The following NUMB variants were observed in gnomAD, a reference collection of about 807,000 sequenced individuals.
NUMB encodes protein numb homolog.
NUMB carries 29 observed loss-of-function variants against 59.7 expected under a neutral mutation model. That is an observed-to-expected ratio of 0.49 (90% CI 0.36 to 0.66). The LOEUF is 0.66. Among genes scored for constraint, NUMB ranks in the 30% least tolerant of loss-of-function variants. The pLI is 0.00. For synonymous variants in NUMB, 288 were observed against 288.2 expected (o/e 1.00, Z 0.01); for missense variants, 723 against 822.0 (o/e 0.88, Z 1.47).
At chr14:73,396,324 GT>G (rs1566778626) in intron 2 of NUMB, among the ~76,000 whole-genome samples, 312 of 41,364 alleles carry the variant, frequency 7.5e-3, no homozygotes, top group African/African-American at 0.071. Context: ...TATTAGGGGT[GT>G]GTGTGTGTGT....
intron 6 of NUMB, chr14:73,299,084 G>C (rs924925201): frequency 3.9e-5 from 6 of 152,250 alleles, no homozygotes; most frequent in African/African-American, 1.4e-4. Context: ...GGAAGTAACA[G>C]AGGTACTGGA....
intron 2 of NUMB, among the ~76,000 whole-genome samples, chr14:73,394,100 G>A (rs1354950259): frequency 2.0e-5 from 3 of 152,028 alleles, no homozygotes; most frequent in African/African-American, 7.2e-5. Context: ...CAAGTAGCTG[G>A]GATTATGGGC....
chr14:73,451,172 A>AAAG (rs1883931734), intron 1 of NUMB, among the ~76,000 whole-genome samples: 2 of 119,172 alleles, frequency 1.7e-5, no homozygotes, highest in African/African-American at 6.6e-5. Flanking sequence ...AAAAAAAAAA[A>AAAG]AACAAAAAAC....
chr14:73,391,004 GC>G (rs2140098561), intron 2 of NUMB, among the ~76,000 whole-genome samples: 1 of 150,880 alleles, frequency 6.6e-6, no homozygotes, highest in Admixed American at 6.6e-5. Context: ...AACACTATAG[GC>G]CCTCAATATA....
chr14:73,337,259 C>T (rs1892376745), intron 4 of NUMB, among the ~76,000 whole-genome samples: 1 of 152,006 alleles, frequency 6.6e-6, no homozygotes, highest in African/African-American at 2.4e-5. Context: ...ACCTGTAATC[C>T]CAGCACTTTG....
intron 2 of NUMB, among the ~76,000 whole-genome samples, chr14:73,386,090 T>A (rs1895511282): frequency 6.6e-6 from 1 of 152,038 alleles, no homozygotes; most frequent in South Asian, 2.1e-4. Flanking sequence ...TAAGAAGAAC[T>A]GTTATTAACC....
chr14:73,400,251 G>A (rs941226649), intron 2 of NUMB, among the ~76,000 whole-genome samples: 3 of 152,144 alleles, frequency 2.0e-5, no homozygotes, highest in Non-Finnish European at 4.4e-5. Flanking sequence ...AAAAGGATCA[G>A]TGGTTACCAA....
rs1888449622 is a variant in NUMB, at chr14:73,279,399, A to G, written c.1122T>C (p.His374=). The G allele has an allele frequency of 6.3e-7, 1 of 1,596,740 alleles. No individual in the cohort carries two copies. The stretch of plus-strand genomic sequence containing the variant: ...CAGTATGGGCTGGCTTAGCAAGCAC[A>G]TGGAAGGCTGAGTCAGTGCCATTAG... ...FQANGTDSAF[H]VLAKPAHTAL... is the part of the protein sequence containing the mutation. The change falls in exon 12 of 13, where the codon CAT becomes CAC. Residue 374 remains histidine, a synonymous_variant. Coordinates refer to ENST00000555238, the MANE Select transcript of NUMB (RefSeq NM_001005743.2).
At chr14:73,438,206 GAA>G (rs1041168982) in intron 1 of NUMB, among the ~76,000 whole-genome samples, 1 of 152,172 alleles carries the variant, frequency 6.6e-6, no homozygotes, top group Admixed American at 6.5e-5. Context: ...CAGAAATACT[GAA>G]AGTCATATTT....
At chr14:73,437,040 TC>T (rs1191453530) in intron 1 of NUMB, among the ~76,000 whole-genome samples, 10 of 123,088 alleles carry the variant, frequency 8.1e-5, no homozygotes, top group African/African-American at 2.6e-4. Context: ...TTTTTCTCTC[TC>T]TTTTTTTTTT....
chr14:73,281,462 C>T (rs1888630960), intron 11 of NUMB: 3 of 152,134 alleles, frequency 2.0e-5, no homozygotes, highest in Admixed American at 2.0e-4. Context: ...AAGAAAAAGA[C>T]CCTTGGAGAA....
At chr14:73,414,321 T>A (rs778332700) in intron 1 of NUMB, among the ~76,000 whole-genome samples, 1 of 152,220 alleles carries the variant, frequency 6.6e-6, no homozygotes, top group Non-Finnish European at 1.5e-5. Flanking sequence ...AAGGCTTATA[T>A]GGTCTTAAAG....
At chr14:73,288,557 ATAAAT>A (rs1889170153) in intron 8 of NUMB, among the ~76,000 whole-genome samples, 1 of 144,804 alleles carries the variant, frequency 6.9e-6, no homozygotes, top group African/African-American at 2.6e-5. Context: ...GTCTCAAAAA[ATAAAT>A]AAAAATCAAA....
intron 6 of NUMB, among the ~76,000 whole-genome samples, chr14:73,309,004 T>A (rs933649978): frequency 2.0e-5 from 3 of 152,146 alleles, no homozygotes; most frequent in Non-Finnish European, 4.4e-5. Context: ...AACCTTTTTT[T>A]AAAAAGAAGA....
intron 2 of NUMB, among the ~76,000 whole-genome samples, chr14:73,386,502 G>C (rs979950347): frequency 1.3e-5 from 2 of 151,924 alleles, no homozygotes; most frequent in African/African-American, 4.8e-5. Flanking sequence ...TTCTGCTCTA[G>C]TGGGTGTTTT....
At chr14:73,356,865 CT>C (rs1291005322) in intron 3 of NUMB, 1 of 164,464 alleles carries the variant, frequency 6.1e-6, no homozygotes, top group Non-Finnish European at 1.3e-5. Context: ...TGGCTTTTTT[CT>C]TTTTTCTTTT....
At chr14:73,304,067 T>G (rs1890290397) in intron 6 of NUMB, among the ~76,000 whole-genome samples, 1 of 152,118 alleles carries the variant, frequency 6.6e-6, no homozygotes, top group South Asian at 2.1e-4. Flanking sequence ...CTATTACAAA[T>G]TACTAAATCA....
At chr14:73,360,456 G>C (rs1379612274) in intron 3 of NUMB, among the ~76,000 whole-genome samples, 10 of 152,136 alleles carry the variant, frequency 6.6e-5, no homozygotes, top group Non-Finnish European at 4.4e-5. Flanking sequence ...TACTCGGGAG[G>C]CTGAGGCAGG....
chr14:73,448,951 T>C (rs1259228698), intron 1 of NUMB, among the ~76,000 whole-genome samples: 4 of 151,730 alleles, frequency 2.6e-5, no homozygotes, highest in Non-Finnish European at 1.5e-5. Flanking sequence ...TATCCATGGG[T>C]CCCACACAGG....
Sources: allele counts gnomAD v4.1 joint callset (sites outside exome capture counted in the v4.1 genomes callset), GRCh38; gene constraint gnomAD v4.1.1; transcripts MANE v1.5; gene names NCBI Gene and HGNC (gene_info 2026-07-23, HGNC 2026-07-21).